The following LPP variants were observed in gnomAD, a reference collection of about 807,000 sequenced individuals.
LPP encodes the protein lipoma-preferred partner.
Under a neutral mutation model 60.4 loss-of-function variants are expected in LPP, and 38 were observed. The observed-to-expected ratio is 0.63, with a 90% CI of 0.49 to 0.83. LPP has a LOEUF of 0.83. Ranked by LOEUF, LPP falls within the 40% of genes least tolerant of loss-of-function variation. The probability of loss-of-function intolerance (pLI) is 0.00; values close to 1 mark genes in which losing one functional copy is unlikely to be tolerated. For synonymous variants in LPP, 328 were observed against 290.8 expected, an observed-to-expected ratio of 1.13 and a Z score of -1.30; for missense variants, 902 against 783.6, an observed-to-expected ratio of 1.15 and a Z score of -1.80.
Position 188,882,316 on chromosome 3 carries a change from A to G in LPP, c.*7837A>G, listed in dbSNP as rs1770128602. 1 of 225,160 alleles carries G rather than the reference A, an allele frequency of 4.4e-6. No homozygotes were observed. Among genetic ancestry groups the G allele is most frequent in the South Asian group, 1.8e-4 (1 of 5,476 alleles). The allele number at this position is 225,160 out of a possible 1,614,324, so 13.9% of individuals were successfully genotyped here. A position where few individuals can be genotyped will look rare whatever the true frequency, so the allele number is the denominator to read the frequency against. On this transcript the variant is annotated 3_prime_UTR_variant, in exon 12 of 12. Transcript: ENST00000617246. ...GCTATACTCAGAGAAGACCCTCTGC[A>G]TTGGCCAAAATATCATGGATTCTGG...
intron 8 of LPP, among the ~76,000 whole-genome samples, chr3:188,721,305 CTT>C (rs1447066762): frequency 1.3e-5 from 2 of 152,112 alleles, no homozygotes; most frequent in African/African-American, 4.8e-5. Context: ...AATCCCAACA[CTT>C]TGGGAGGCCG....
At position 188,438,452 on chromosome 3, in the gene LPP, A is replaced by G. The variant is rs1401617665; in HGVS notation, c.193+32139A>G. Among the ~76,000 whole-genome samples the G allele has an allele frequency of 3.3e-5, 5 of 151,016 alleles. No homozygotes were observed. In the Admixed American group the frequency reaches 3.3e-4, roughly 10 times the overall value. ...TGAGGTAGTGCTATTATTAATATCC[A>G]TTTTCTGGATGAGGAAACTGAGGCC... is the stretch of plus-strand genomic sequence containing the variant. On this transcript the variant is annotated intron_variant, in intron 4 of 11. Transcript: ENST00000617246.
At chr3:188,192,971 C>G (rs950570883) in intron 1 of LPP, among the ~76,000 whole-genome samples, 1 of 152,180 alleles carries the variant, frequency 6.6e-6, no homozygotes, top group African/African-American at 2.4e-5. Context: ...CCTTGCTGCC[C>G]CTGAGACTTT....
intron 9 of LPP, among the ~76,000 whole-genome samples, chr3:188,805,047 C>G (rs758555280): frequency 1.3e-5 from 2 of 151,922 alleles, no homozygotes; most frequent in Non-Finnish European, 2.9e-5. Flanking sequence ...AGATAAACCC[C>G]ACTTGGTTGT....
At chr3:188,543,017 C>T (rs1011184240) in intron 6 of LPP, among the ~76,000 whole-genome samples, 4 of 152,166 alleles carry the variant, frequency 2.6e-5, no homozygotes, top group African/African-American at 9.7e-5. Flanking sequence ...CTTTTCTTTT[C>T]ATGCCTCAGG....
intron 9 of LPP, among the ~76,000 whole-genome samples, chr3:188,790,724 A>T (rs1191952516): frequency 2.0e-5 from 3 of 151,818 alleles, no homozygotes; most frequent in Admixed American, 2.0e-4. Flanking sequence ...CGGGAGGCTG[A>T]GGCAGGAGAG....
chr3:188,370,917 T>C lies in LPP; in HGVS notation c.-10+29198T>C, dbSNP rs572977606. 2.6e-5 allele frequency among the ~76,000 whole-genome samples: 4 copies of C among 152,324 alleles called. No individual in the cohort carries two copies. The East Asian group carries it at 7.7e-4, about 29-fold the overall frequency. On this transcript the variant is annotated intron_variant, in intron 3 of 11. Coordinates refer to ENST00000617246, the MANE Select transcript of LPP (RefSeq NM_001375462.1). ...GCTTTGTTTTGCTTTGCCATTGTTT[T>C]ATTTTATTTTTTCTGAAGACTTGGT...
chr3:188,423,517 C>T (rs1788441267), intron 4 of LPP, among the ~76,000 whole-genome samples: 1 of 152,198 alleles, frequency 6.6e-6, no homozygotes, highest in Admixed American at 6.5e-5. Context: ...TGAGGAATCG[C>T]CACACTCTCG....
At chr3:188,422,167 T>G (rs1437580266) in intron 4 of LPP, among the ~76,000 whole-genome samples, 1 of 152,162 alleles carries the variant, frequency 6.6e-6, no homozygotes, top group Admixed American at 6.6e-5. Context: ...AGAGTAGAGG[T>G]GGATCTTTCC....
In LPP at chr3:188,806,198, T is replaced by C. The variant is rs568090757; in HGVS notation, c.1410+45916T>C. Among the ~76,000 whole-genome samples, 54 of 151,996 alleles carry C rather than the reference T, an allele frequency of 3.6e-4. 1 individual carries two copies. The highest frequency in any genetic ancestry group is 1.3e-3 in the African/African-American group (53 of 41,550). On this transcript the variant is annotated intron_variant, in intron 9 of 11. Coordinates refer to ENST00000617246, the MANE Select transcript of LPP (RefSeq NM_001375462.1). The stretch of plus-strand genomic sequence containing the variant: ...GAAACTTTGAGCATAATTGTAGGTT[T>C]GTCTATTTCTCCTTTCACTTGTATG...
intron 2 of LPP, among the ~76,000 whole-genome samples, chr3:188,292,468 G>A (rs1746329877): frequency 6.6e-6 from 1 of 152,174 alleles, no homozygotes; most frequent in Admixed American, 6.5e-5. Flanking sequence ...CCTTTATCTG[G>A]AAGACTGGAC....
chr3:188,363,284 A>G (rs950333304), intron 3 of LPP, among the ~76,000 whole-genome samples: 1 of 152,194 alleles, frequency 6.6e-6, no homozygotes, highest in African/African-American at 2.4e-5. Flanking sequence ...TGGATTTATC[A>G]CGAAGGTACC....
In LPP at chr3:188,805,968, T is replaced by C. The variant is rs191511173; in HGVS notation, c.1410+45686T>C. 5.9e-5 allele frequency among the ~76,000 whole-genome samples: 9 copies of C among 152,010 alleles called. No homozygotes were observed. In the East Asian group the frequency reaches 1.7e-3, roughly 29 times the overall value. On this transcript the variant is annotated intron_variant, in intron 9 of 11. Coordinates refer to ENST00000617246, the MANE Select transcript of LPP (RefSeq NM_001375462.1). ...TTGTGTAACTTAAATTCATCTAAAT[T>C]TGTTGAGGTTTGTTTTATGTGCTAG...
intron 7 of LPP, among the ~76,000 whole-genome samples, chr3:188,698,806 G>C (rs922244624): frequency 2.0e-5 from 3 of 152,180 alleles, no homozygotes; most frequent in Non-Finnish European, 2.9e-5. Context: ...TAGTTGGAGA[G>C]GCAGCAAGGC....
intron 6 of LPP, among the ~76,000 whole-genome samples, chr3:188,606,185 G>A (rs1842341101): frequency 6.6e-6 from 1 of 152,162 alleles, no homozygotes; most frequent in Non-Finnish European, 1.5e-5. Context: ...GGAGATGACG[G>A]CTCTGCCTCT....
chr3:188,318,650 A>T lies in LPP; in HGVS notation c.-66-23013A>T, dbSNP rs1755868023. Among the ~76,000 whole-genome samples the T allele has an allele frequency of 3.3e-5, 5 of 150,684 alleles. No individual in the cohort carries two copies. In the Admixed American group the frequency reaches 3.3e-4, roughly 10 times the overall value. On this transcript the variant is annotated intron_variant, in intron 2 of 11. Coordinates refer to ENST00000617246, the MANE Select transcript of LPP (RefSeq NM_001375462.1). ...TATATGGAGAACACGGTGGAATTTA[A>T]TTTTTCTTATTCTTTTCGACTTTGG...
chr3:188,389,808 C>CAAAA (rs56398215), intron 3 of LPP, among the ~76,000 whole-genome samples: 5 of 132,104 alleles, frequency 3.8e-5, no homozygotes, highest in African/African-American at 1.4e-4. Flanking sequence ...GACTCCGTCT[C>CAAAA]AAAAAAAAAA....
intron 9 of LPP, among the ~76,000 whole-genome samples, chr3:188,833,196 G>A (rs1757535048): frequency 6.6e-6 from 1 of 152,214 alleles, no homozygotes; most frequent in Non-Finnish European, 1.5e-5. Flanking sequence ...CACTGAGGGA[G>A]ACAGGCTCTC....
At chr3:188,744,902 A>G (rs1216421613) in intron 8 of LPP, among the ~76,000 whole-genome samples, 1 of 151,798 alleles carries the variant, frequency 6.6e-6, no homozygotes, top group East Asian at 1.9e-4. Context: ...TCCCATTCCT[A>G]CCTGCCCTCT....
Sources: gnomAD v4.1 joint callset for allele counts (sites outside exome capture counted in the v4.1 genomes callset) on GRCh38, gnomAD v4.1.1 for gene constraint, MANE v1.5 for transcripts, NCBI Gene and HGNC (gene_info 2026-07-23, HGNC 2026-07-21) for gene names.